Variants in SYN3 observed in about 807,000 individuals in gnomAD.
The protein encoded by SYN3 is synapsin III.
A neutral mutation model predicts 65.8 loss-of-function variants in SYN3; 35 were observed. The ratio of observed to expected loss-of-function variants is 0.53; its 90% CI spans 0.41 to 0.70. The LOEUF (loss-of-function observed/expected upper bound fraction) is 0.70. SYN3 is among the 30% of genes least tolerant of loss of function. The probability of loss-of-function intolerance (pLI) is 0.00; values close to 1 mark genes in which losing one functional copy is unlikely to be tolerated. For missense variants in SYN3, 680 were observed against 749.0 expected, an observed-to-expected ratio of 0.91 and a Z score of 1.08; for synonymous variants, 270 against 292.9, an observed-to-expected ratio of 0.92 and a Z score of 0.80.
At chr22:32,972,281 C>A (rs369259208) in intron 3 of SYN3, among the ~76,000 whole-genome samples, 1 of 152,144 alleles carries the variant, frequency 6.6e-6, no homozygotes, top group African/African-American at 2.4e-5. Context: ...TATGGTGTAT[C>A]CATATGACAG....
intron 6 of SYN3, among the ~76,000 whole-genome samples, chr22:32,803,852 T>C (rs1037579209): frequency 2.0e-5 from 3 of 152,108 alleles, no homozygotes; most frequent in African/African-American, 7.2e-5. Context: ...GTTTTTTTGG[T>C]ATGTAGTGGG....
chr22:32,523,658 A>G (rs1005118859), intron 12 of SYN3, among the ~76,000 whole-genome samples: 1 of 152,208 alleles, frequency 6.6e-6, no homozygotes, highest in Admixed American at 6.5e-5. Context: ...CAATATTGAA[A>G]TTGGACCAGT....
At chr22:32,539,347 A>G (rs5754136) in intron 8 of SYN3, among the ~76,000 whole-genome samples, 42,997 of 151,858 alleles carry the variant, frequency 0.28, 6,263 homozygotes, top group Middle Eastern at 0.41. Flanking sequence ...GGGGAGCTGG[A>G]TTTTTCTCTG....
chr22:32,961,595 C>T (rs1329050151), intron 3 of SYN3, among the ~76,000 whole-genome samples: 3 of 152,222 alleles, frequency 2.0e-5, no homozygotes, highest in Non-Finnish European at 2.9e-5. Context: ...GTAGCAACCC[C>T]ACAGAATGTG....
At chr22:32,568,617 C>A (rs1024158129) in intron 7 of SYN3, among the ~76,000 whole-genome samples, 4 of 152,198 alleles carry the variant, frequency 2.6e-5, no homozygotes, top group Non-Finnish European at 5.9e-5. Flanking sequence ...GACAAACAAG[C>A]TCCCAGGGCC....
At chr22:32,643,127 G>A (rs1344626294) in intron 6 of SYN3, among the ~76,000 whole-genome samples, 7 of 152,032 alleles carry the variant, frequency 4.6e-5, no homozygotes, top group African/African-American at 1.7e-4. Context: ...CACTCAGGCC[G>A]GAGTGCAATG....
At chr22:32,906,097 G>A (rs2049894862) in intron 4 of SYN3, among the ~76,000 whole-genome samples, 2 of 152,196 alleles carry the variant, frequency 1.3e-5, no homozygotes, top group South Asian at 4.1e-4. Context: ...TCCCCTCCAA[G>A]GACACAGAGG....
chr22:32,947,789 A>G (rs1258094656), intron 3 of SYN3, among the ~76,000 whole-genome samples: 3 of 152,228 alleles, frequency 2.0e-5, no homozygotes, highest in Non-Finnish European at 4.4e-5. Context: ...AATGCCTTCA[A>G]ACAACACAAA....
intron 6 of SYN3, among the ~76,000 whole-genome samples, chr22:32,714,978 C>G (rs987387701): frequency 1.3e-5 from 2 of 152,162 alleles, no homozygotes; most frequent in Non-Finnish European, 2.9e-5. Flanking sequence ...GAACAACTTT[C>G]CCCGAAGTAT....
intron 4 of SYN3, among the ~76,000 whole-genome samples, chr22:32,886,740 A>C (rs1390610290): frequency 6.6e-6 from 1 of 152,106 alleles, no homozygotes; most frequent in Non-Finnish European, 1.5e-5. Context: ...GTGACTATGG[A>C]TTAGTTTTGC....
intron 4 of SYN3, among the ~76,000 whole-genome samples, chr22:32,912,660 G>T (rs947273678): frequency 6.6e-6 from 1 of 152,042 alleles, no homozygotes; most frequent in African/African-American, 2.4e-5. Context: ...GATTGAGGCT[G>T]CAGTGAGCTA....
chr22:32,908,191 T>C (rs2049954525), intron 4 of SYN3, among the ~76,000 whole-genome samples: 2 of 151,864 alleles, frequency 1.3e-5, no homozygotes, highest in African/African-American at 2.4e-5. Flanking sequence ...GTTCAAGTGA[T>C]TGTCCTGACT....
chr22:32,966,472 T>A (rs2051849755), intron 3 of SYN3, among the ~76,000 whole-genome samples: 1 of 152,080 alleles, frequency 6.6e-6, no homozygotes, highest in South Asian at 2.1e-4. Flanking sequence ...GGCAAGCTCA[T>A]GGAGGGCCTT....
At chr22:32,629,709 C>T (rs1000385110) in intron 6 of SYN3, 4 of 152,192 alleles carry the variant, frequency 2.6e-5, no homozygotes, top group Admixed American at 6.5e-5. Flanking sequence ...TCTTCCTTCT[C>T]GTCCAGCTCC....
rs549513109 is a variant in SYN3, at chr22:32,755,275, A to G, written c.711+109640T>C. Among the ~76,000 whole-genome samples, 62 of 152,312 alleles carry G rather than the reference A, an allele frequency of 4.1e-4. 1 individual carries two copies. Among genetic ancestry groups the G allele is most frequent in the Middle Eastern group, 3.4e-3 (1 of 294 alleles). ...AGAGAAATGAAATTACTGGTTCAAG[A>G]TGGCATCTCCAGGTTCAAAACAGTG... On this transcript the variant is annotated intron_variant, in intron 6 of 13. Transcript: ENST00000358763.
chr22:32,789,515 G>A (rs1270241273), intron 6 of SYN3, among the ~76,000 whole-genome samples: 1 of 152,162 alleles, frequency 6.6e-6, no homozygotes, highest in African/African-American at 2.4e-5. Context: ...GGCGCTTTCA[G>A]TTCTGGAATG....
chr22:32,687,789 T>A (rs1207835689), intron 6 of SYN3, among the ~76,000 whole-genome samples: 1 of 152,198 alleles, frequency 6.6e-6, no homozygotes, highest in Non-Finnish European at 1.5e-5. Flanking sequence ...TCTGTTCACA[T>A]CTCTCCCTAT....
intron 7 of SYN3, among the ~76,000 whole-genome samples, chr22:32,551,333 C>T (rs1175614656): frequency 1.3e-5 from 2 of 152,052 alleles, no homozygotes; most frequent in African/African-American, 4.8e-5. Context: ...ATGGCCCCTA[C>T]CCCCACCCTG....
intron 1 of SYN3, among the ~76,000 whole-genome samples, chr22:33,027,338 T>C (rs1292672458): frequency 6.6e-6 from 1 of 152,172 alleles, no homozygotes; most frequent in Admixed American, 6.5e-5. Flanking sequence ...GACTCACGCC[T>C]GTAATCCCAG....
Sources: gnomAD v4.1 joint callset for allele counts (sites outside exome capture counted in the v4.1 genomes callset) on GRCh38, gnomAD v4.1.1 for gene constraint, MANE v1.5 for transcripts, NCBI Gene and HGNC (gene_info 2026-07-23, HGNC 2026-07-21) for gene names.